The following SCN1A variants were observed in gnomAD, a reference collection of about 807,000 sequenced individuals.
SCN1A encodes sodium voltage-gated channel alpha subunit 1.
SCN1A carries 13 observed loss-of-function variants against 193.7 expected under a neutral mutation model. The observed-to-expected ratio is 0.07, with a 90% CI of 0.04 to 0.11. The LOEUF (loss-of-function observed/expected upper bound fraction) is 0.11, where lower values mean the gene tolerates loss of function less well. Among genes scored for constraint, SCN1A ranks in the 10% least tolerant of loss-of-function variants. The probability of loss-of-function intolerance (pLI) is 1.00; values close to 1 mark genes in which losing one functional copy is unlikely to be tolerated. For missense variants in SCN1A, 1,432 were observed against 2,451.1 expected (o/e 0.58, Z 8.78); for synonymous variants, 781 against 843.6 (o/e 0.93, Z 1.29).
chr2:166,015,246 C>T (rs988203626), intron 20 of SCN1A, among the ~76,000 whole-genome samples: 13 of 151,802 alleles, frequency 8.6e-5, no homozygotes, highest in Non-Finnish European at 1.6e-4. Context: ...ACTAGCAATC[C>T]GTTTAGTTTT....
chr2:165,999,656 C>A, intron 25 of SCN1A, 67 bp downstream of exon 25: 1 of 1,143,366 alleles, frequency 8.7e-7, no homozygotes, highest in Non-Finnish European at 1.3e-6. Flanking sequence ...GTCGTTTATG[C>A]TTTATTCGAT....
chr2:166,097,924 T>A (rs1490967825), intron 2 of SCN1A, among the ~76,000 whole-genome samples: 2 of 152,182 alleles, frequency 1.3e-5, no homozygotes, highest in African/African-American at 2.4e-5. Context: ...ATTAGAAAAC[T>A]TTTATCTAGA....
intron 23 of SCN1A, among the ~76,000 whole-genome samples, chr2:166,003,842 T>C (rs1188614700): frequency 6.7e-6 from 1 of 148,418 alleles, no homozygotes; most frequent in Non-Finnish European, 1.5e-5. Context: ...TTGATGCCAG[T>C]GTATTTTTAG....
At chr2:166,002,924 T>C (rs1488823976) in intron 23 of SCN1A, 171 bp from the exon 24 acceptor site, 6 of 542,362 alleles carry the variant, frequency 1.1e-5, no homozygotes, top group Non-Finnish European at 1.9e-5. Context: ...TTTTTTTTCT[T>C]AAGCAATACA....
intron 2 of SCN1A, among the ~76,000 whole-genome samples, chr2:166,122,488 GT>G (rs1690709432): frequency 6.6e-6 from 1 of 152,126 alleles, no homozygotes; most frequent in African/African-American, 2.4e-5. Flanking sequence ...ATTCTTTAAA[GT>G]TATGTGGATT....
At chr2:166,014,447 C>T (rs1429048880) in intron 20 of SCN1A, among the ~76,000 whole-genome samples, 2 of 151,398 alleles carry the variant, frequency 1.3e-5, no homozygotes, top group Non-Finnish European at 3.0e-5. Flanking sequence ...TTGCCTTCCT[C>T]ACACATTGCT....
chr2:166,144,324 C>G (rs1321281444), intron 1 of SCN1A, among the ~76,000 whole-genome samples: 2 of 152,106 alleles, frequency 1.3e-5, no homozygotes, highest in African/African-American at 2.4e-5. Context: ...GAGAAGTTGG[C>G]TGGGTCATCA....
At chr2:166,142,758 A>G (rs1034212536) in intron 1 of SCN1A, among the ~76,000 whole-genome samples, 5 of 152,194 alleles carry the variant, frequency 3.3e-5, no homozygotes, top group African/African-American at 1.2e-4. Flanking sequence ...ACCTTGAATT[A>G]TAATAATCCC....
intron 19 of SCN1A, among the ~76,000 whole-genome samples, chr2:166,023,020 AC>A (rs1694265877): frequency 6.6e-6 from 1 of 152,232 alleles, no homozygotes; most frequent in Non-Finnish European, 1.5e-5. Context: ...TTAAAAAAAA[AC>A]AAACTAGGAT....
At chr2:166,046,576 T>C (rs1697844794) in intron 12 of SCN1A, among the ~76,000 whole-genome samples, 194 bp downstream of exon 12, 1 of 152,088 alleles carries the variant, frequency 6.6e-6, no homozygotes, top group Non-Finnish European at 1.5e-5. Context: ...CATGAGAGAG[T>C]TCTATTGTGG....
chr2:166,112,124 GTAAAA>G (rs1689357900), intron 2 of SCN1A, among the ~76,000 whole-genome samples: 1 of 152,144 alleles, frequency 6.6e-6, no homozygotes, highest in Non-Finnish European at 1.5e-5. Flanking sequence ...TATACTGTGG[GTAAAA>G]TGCTATCAAA....
intron 17 of SCN1A, 96 bp downstream of exon 17, chr2:166,039,326 TA>T: frequency 8.0e-7 from 1 of 1,246,220 alleles, no homozygotes; most frequent in Non-Finnish European, 1.1e-6. Flanking sequence ...CTTACAATGC[TA>T]ATGGTTGTGT....
chr2:166,076,481 A>C (rs1034436765), intron 3 of SCN1A, among the ~76,000 whole-genome samples: 1 of 151,918 alleles, frequency 6.6e-6, no homozygotes, highest in Non-Finnish European at 1.5e-5. Flanking sequence ...CTTGAACTAA[A>C]GGTTTAATTT....
intron 2 of SCN1A, among the ~76,000 whole-genome samples, chr2:166,091,868 T>G (rs1686843275): frequency 6.6e-6 from 1 of 151,918 alleles, no homozygotes; most frequent in African/African-American, 2.4e-5. Context: ...AATTTTTTTT[T>G]GAATGAATGA....
intron 19 of SCN1A, among the ~76,000 whole-genome samples, chr2:166,028,733 T>A (rs1349963102): frequency 1.3e-5 from 2 of 152,218 alleles, no homozygotes; most frequent in Non-Finnish European, 2.9e-5. Flanking sequence ...ATTATTGATA[T>A]TTGAACTTTT....
At chr2:166,084,475 C>T (rs1685883000) in intron 2 of SCN1A, among the ~76,000 whole-genome samples, 1 of 152,090 alleles carries the variant, frequency 6.6e-6, no homozygotes, top group South Asian at 2.1e-4. Flanking sequence ...AGTTATGTAG[C>T]TATAAGTAGC....
intron 2 of SCN1A, among the ~76,000 whole-genome samples, chr2:166,125,056 C>T (rs1266995840): frequency 6.6e-6 from 1 of 152,184 alleles, no homozygotes; most frequent in Non-Finnish European, 1.5e-5. Context: ...TCTGTCACAA[C>T]TTATTTTTCT....
intron 2 of SCN1A, chr2:166,123,355 T>G (rs1207439223): frequency 2.6e-5 from 4 of 151,908 alleles, no homozygotes; most frequent in African/African-American, 4.8e-5. Flanking sequence ...CTTTCTTGCC[T>G]GCACCTGGTC....
chr2:165,994,309 A>G lies in SCN1A; in HGVS notation c.4689T>C (p.Asp1563=). 2 of 1,613,224 alleles carry G rather than the reference A, an allele frequency of 1.2e-6. No homozygotes were observed. Among genetic ancestry groups the G allele is most frequent in the Non-Finnish European group, 1.7e-6 (2 of 1,179,536 alleles). The part of the protein sequence containing the change: ...LNMVTMMVET[D]DQSEYVTTIL... Reference sequence around the variant, plus strand: ...TGGTAGTCACATATTCACTCTGGTCATCTGTTTCCACCATCATTGTGACCA... The same window carrying G: ...TGGTAGTCACATATTCACTCTGGTCGTCTGTTTCCACCATCATTGTGACCA... The change falls in exon 28 of 29, where the codon GAT becomes GAC. Residue 1563 remains aspartate (D), a synonymous_variant. Transcript: ENST00000674923.
Sources: allele counts gnomAD v4.1 joint callset (sites outside exome capture counted in the v4.1 genomes callset), GRCh38; gene constraint gnomAD v4.1.1; transcripts MANE v1.5; gene names NCBI Gene and HGNC (gene_info 2026-07-23, HGNC 2026-07-21).